CTSC: variants seen among roughly 807,000 people sequenced by gnomAD.
CTSC encodes dipeptidyl peptidase 1.
Under a neutral mutation model 40.9 loss-of-function variants are expected in CTSC, and 37 were observed. The ratio of observed to expected loss-of-function variants is 0.91; its 90% CI spans 0.70 to 1.19. CTSC has a LOEUF of 1.19. Among genes scored for constraint, CTSC ranks in the 50% most tolerant of loss-of-function variants. The pLI, the probability that CTSC is intolerant of heterozygous loss-of-function variation, is 0.00. For missense variants in CTSC, 594 were observed against 567.3 expected (o/e 1.05, Z -0.48); for synonymous variants, 232 against 207.4 (o/e 1.12, Z -1.02).
intron 2 of CTSC, among the ~76,000 whole-genome samples, chr11:88,319,602 T>C (rs1398067672): frequency 6.6e-6 from 1 of 152,144 alleles, no homozygotes. Flanking sequence ...ATGAAGAATA[T>C]TTTACATTAT....
At chr11:88,309,364 T>A in intron 3 of CTSC, 46 bp from the exon 4 acceptor site, 1 of 1,495,160 alleles carries the variant, frequency 6.7e-7, no homozygotes, top group Non-Finnish European at 9.3e-7. Flanking sequence ...TTTACTGATG[T>A]AAATAGAGTA....
intron 5 of CTSC, chr11:88,297,439 G>A (rs1944311035): frequency 6.6e-6 from 1 of 151,940 alleles, no homozygotes; most frequent in African/African-American, 2.4e-5. Flanking sequence ...GTGCAACACT[G>A]GACAACTTAC....
chr11:88,321,925 T>A (rs1248291416), intron 2 of CTSC: 1 of 152,164 alleles, frequency 6.6e-6, no homozygotes, highest in African/African-American at 2.4e-5. Context: ...CACTAGCATG[T>A]TGTTTGACTT....
rs984713956 is a variant in CTSC at position 88,335,157 on chromosome 11, A to T, written c.173-75T>A. ...ATAGGGGAAAGAATCCCCCAATTTCAATTTTAATTGTGCTGCTTTCCTTTC... is the reference window on the plus strand; with the variant it reads ...ATAGGGGAAAGAATCCCCCAATTTCTATTTTAATTGTGCTGCTTTCCTTTC... On this transcript the variant is annotated intron_variant, in intron 1 of 6. Coordinates refer to ENST00000227266, the MANE Select transcript of CTSC (RefSeq NM_001814.6). 17 of 1,019,624 alleles carry T rather than the reference A, an allele frequency of 1.7e-5. No homozygotes were observed. In the African/African-American group the frequency reaches 2.1e-4, roughly 12 times the overall value. 63.2% of individuals were successfully genotyped at this position (1,019,624 alleles called of 1,614,324 possible).
chr11:88,303,904 G>A (rs546489891), intron 4 of CTSC, among the ~76,000 whole-genome samples: 1 of 152,036 alleles, frequency 6.6e-6, no homozygotes, highest in South Asian at 2.1e-4. Context: ...AGAGGAGGGC[G>A]GAAGAAGATC....
intron 2 of CTSC, among the ~76,000 whole-genome samples, chr11:88,318,236 G>A (rs960535147): frequency 1.3e-5 from 2 of 152,174 alleles, no homozygotes; most frequent in African/African-American, 4.8e-5. Context: ...TTAGTAAAGT[G>A]GACTCCGCCC....
chr11:88,320,344 A>T (rs1455488060), intron 2 of CTSC, among the ~76,000 whole-genome samples: 1 of 152,222 alleles, frequency 6.6e-6, no homozygotes, highest in Non-Finnish European at 1.5e-5. Flanking sequence ...AATTTACTGC[A>T]CAGCAAAGTA....
At chr11:88,323,028 A>G (rs1938071086) in intron 2 of CTSC, 1 of 152,240 alleles carries the variant, frequency 6.6e-6, no homozygotes, top group African/African-American at 2.4e-5. Flanking sequence ...TCAATGAAAT[A>G]CTGATAAACC....
chr11:88,296,372 T>A (rs1328504845), intron 5 of CTSC, 108 bp from the exon 6 acceptor site: 1 of 1,379,854 alleles, frequency 7.2e-7, no homozygotes, highest in Non-Finnish European at 1.0e-6. Context: ...CTGAATGTTG[T>A]TGTTTATAAG....
At chr11:88,329,688 T>C (rs1252029344) in intron 2 of CTSC, among the ~76,000 whole-genome samples, 1 of 152,166 alleles carries the variant, frequency 6.6e-6, no homozygotes, top group Admixed American at 6.5e-5. Flanking sequence ...TTAAGCATTT[T>C]CACAGTATTC....
intron 2 of CTSC, chr11:88,324,547 A>G: frequency 1.0e-6 from 1 of 967,432 alleles, no homozygotes; most frequent in Non-Finnish European, 1.2e-6. Flanking sequence ...AAAAGTCTGC[A>G]AAAAGAAAAG....
chr11:88,324,755 A>T, intron 2 of CTSC: 1 of 985,394 alleles, frequency 1.0e-6, no homozygotes, highest in Non-Finnish European at 1.2e-6. Flanking sequence ...TCTCACGGTA[A>T]TAGAGAGAGC....
At chr11:88,310,388 G>T (rs1937726397) in intron 3 of CTSC, among the ~76,000 whole-genome samples, 2 of 152,006 alleles carry the variant, frequency 1.3e-5, no homozygotes, top group African/African-American at 2.4e-5. Flanking sequence ...TAGATGCTAG[G>T]AATTATAGAA....
intron 2 of CTSC, chr11:88,322,098 C>T (rs1172236790): frequency 6.6e-6 from 1 of 151,952 alleles, no homozygotes; most frequent in African/African-American, 2.4e-5. Flanking sequence ...TAATGGGGCT[C>T]CTTTTTTCTT....
In CTSC at chr11:88,300,649, G is replaced by C. The variant is rs1565251959; in HGVS notation, c.642-4C>G. ...AGTCAGTGGTGCAGGTTTGGGCCTA[G>C]AAAGGAAATATACATTTGATATCAA... On this transcript the variant is annotated splice_polypyrimidine_tract_variant and splice_region_variant and intron_variant, in intron 4 of 6. Transcript: ENST00000227266. 1 of 1,564,792 alleles carries C rather than the reference G, an allele frequency of 6.4e-7. No homozygotes were observed. Among genetic ancestry groups the C allele is most frequent in the Admixed American group, 1.7e-5 (1 of 59,954 alleles).
chr11:88,303,978 A>G (rs761957907), intron 4 of CTSC, among the ~76,000 whole-genome samples: 2 of 151,918 alleles, frequency 1.3e-5, no homozygotes, highest in Non-Finnish European at 2.9e-5. Flanking sequence ...ATGTGCCCCA[A>G]CGTTAAAAGA....
In CTSC at chr11:88,294,479, C is replaced by A. The variant is rs548013321; in HGVS notation, c.919G>T (p.Ala307Ser). The change falls in exon 7 of 7, where the codon GCA becomes TCA. Residue 307 changes from alanine to serine, a missense_variant. Coordinates refer to ENST00000227266, the MANE Select transcript of CTSC (RefSeq NM_001814.6). Reference protein sequence around the residue: ...GCEGGFPYLIAGKYAQDFGLV... With the variant: ...GCEGGFPYLISGKYAQDFGLV... ...CCAAAATCTTGGGCGTACTTTCCTG[C>A]AATAAGGTATGGGAAGCCGCCTTCA... 6.2e-7 allele frequency: 1 copy of A among 1,614,058 alleles called. No individual in the cohort carries two copies. The highest frequency in any genetic ancestry group is 8.5e-7 in the Non-Finnish European group (1 of 1,179,992).
chr11:88,334,906 A>T (rs1209991068), intron 2 of CTSC, 31 bp downstream of exon 2: 1 of 1,547,014 alleles, frequency 6.5e-7, no homozygotes, highest in Admixed American at 1.7e-5. Flanking sequence ...AAATCATTGA[A>T]AATGTAAATC....
intron 4 of CTSC, among the ~76,000 whole-genome samples, chr11:88,304,935 T>TA (rs940740507): frequency 6.6e-6 from 1 of 152,104 alleles, no homozygotes; most frequent in African/African-American, 2.4e-5. Flanking sequence ...CTGTTTCAAC[T>TA]AAAAATACAA....
Sources: allele counts gnomAD v4.1 joint callset (sites outside exome capture counted in the v4.1 genomes callset), GRCh38; gene constraint gnomAD v4.1.1; transcripts MANE v1.5; gene names NCBI Gene and HGNC (gene_info 2026-07-23, HGNC 2026-07-21).